Variants in TYR observed in about 807,000 individuals in gnomAD.
TYR encodes LB24-AB.
A neutral mutation model predicts 51.5 loss-of-function variants in TYR; 58 were observed. The observed-to-expected ratio is 1.13, with a 90% confidence interval of 0.91 to 1.40. The LOEUF (loss-of-function observed/expected upper bound fraction) is 1.40. Among genes scored for constraint, TYR ranks in the 40% most tolerant of loss-of-function variants. TYR has a pLI of 0.00. For missense variants in TYR, 732 were observed against 647.4 expected (o/e 1.13, Z -1.42); for synonymous variants, 263 against 235.2 (o/e 1.12, Z -1.08).
At chr11:89,258,411 T>C (rs987242598) in intron 3 of TYR, among the ~76,000 whole-genome samples, 1 of 150,874 alleles carries the variant, frequency 6.6e-6, no homozygotes, top group African/African-American at 2.4e-5. Context: ...AATCTCTTAT[T>C]ACCTATATGG....
intron 3 of TYR, among the ~76,000 whole-genome samples, chr11:89,266,301 A>G (rs186482499): frequency 0.031 from 4,656 of 152,078 alleles, 246 homozygotes; most frequent in African/African-American, 0.1. Flanking sequence ...TTAGTCATGC[A>G]TAGAATATTT....
Position 89,284,880 on chromosome 11 carries a change from C to T in TYR, c.1292C>T (p.Pro431Leu), listed in dbSNP as rs281865325. Residue 431 changes from proline to leucine, a missense_variant, in exon 4 of 5, where the codon CCA becomes CTA. By Grantham distance (98) the Pro-to-Leu change is moderately conservative. Coordinates refer to ENST00000263321, the MANE Select transcript of TYR (RefSeq NM_000372.5). Reference protein sequence around the residue: ...NRESYMVPFIPLYRNGDFFIS... With the variant: ...NRESYMVPFILLYRNGDFFIS... ...GAATCCTACATGGTTCCTTTTATACCACTGTACAGAAATGGTGATTTCTTT... is the reference window on the plus strand; with the variant it reads ...GAATCCTACATGGTTCCTTTTATACTACTGTACAGAAATGGTGATTTCTTT... 1.9e-6 allele frequency: 3 copies of T among 1,611,782 alleles called. No homozygotes were observed. In the East Asian group the frequency reaches 6.7e-5, roughly 36 times the overall value.
chr11:89,180,613 C>A (rs986300079), intron 1 of TYR, among the ~76,000 whole-genome samples: 1 of 150,370 alleles, frequency 6.7e-6, no homozygotes, highest in East Asian at 1.9e-4. Flanking sequence ...CAATTATCAA[C>A]TTCAACCTTG....
chr11:89,225,638 G>A (rs1268506348), intron 2 of TYR, among the ~76,000 whole-genome samples: 1 of 151,846 alleles, frequency 6.6e-6, no homozygotes, highest in Non-Finnish European at 1.5e-5. Flanking sequence ...TTTTGATATG[G>A]ATGATGGAAT....
At chr11:89,193,769 T>G (rs557483144) in intron 2 of TYR, among the ~76,000 whole-genome samples, 42 of 152,248 alleles carry the variant, frequency 2.8e-4, no homozygotes, top group African/African-American at 9.6e-4. Context: ...TAAATTTGTA[T>G]TCAGCAATAA....
intron 2 of TYR, among the ~76,000 whole-genome samples, chr11:89,215,834 T>G (rs1240377904): frequency 6.6e-6 from 1 of 152,138 alleles, no homozygotes; most frequent in Non-Finnish European, 1.5e-5. Flanking sequence ...CCTCCATAAG[T>G]CATTTAACTT....
intron 3 of TYR, among the ~76,000 whole-genome samples, chr11:89,244,076 T>C (rs181454679): frequency 6.6e-6 from 1 of 152,280 alleles, no homozygotes; most frequent in East Asian, 1.9e-4. Context: ...GCAACAGATA[T>C]GTACATTTTT....
At chr11:89,294,781 T>C (rs1015135274) in intron 4 of TYR, among the ~76,000 whole-genome samples, 1 of 152,240 alleles carries the variant, frequency 6.6e-6, no homozygotes, top group African/African-American at 2.4e-5. Context: ...TGGTTAATGA[T>C]ATAACGGTGT....
chr11:89,223,856 A>G (rs1472207853), intron 2 of TYR, among the ~76,000 whole-genome samples: 7 of 151,612 alleles, frequency 4.6e-5, no homozygotes, highest in Admixed American at 3.9e-4. Flanking sequence ...CATTATTTCT[A>G]AGCACATATC....
chr11:89,292,216 C>T (rs1430062996), intron 4 of TYR, among the ~76,000 whole-genome samples: 1 of 152,024 alleles, frequency 6.6e-6, no homozygotes, highest in East Asian at 1.9e-4. Context: ...GACATTCCTT[C>T]ACCATATCTT....
rs781033348 is a variant in TYR, at chr11:89,232,817, T to C, written c.1184+4847T>C. Among the ~76,000 whole-genome samples, 17 of 143,822 alleles carry C rather than the reference T, an allele frequency of 1.2e-4. 2 individuals carry two copies. The highest frequency in any genetic ancestry group is 2.1e-4 in the Non-Finnish European group (14 of 66,796). The allele number at this position is 143,822 out of a possible 152,430, so 94.4% of individuals were successfully genotyped here. A position where few individuals can be genotyped will look rare whatever the true frequency, so the allele number is the denominator to read the frequency against. On this transcript the variant is annotated intron_variant, in intron 3 of 4. Coordinates refer to ENST00000263321, the MANE Select transcript of TYR (RefSeq NM_000372.5). ...CAATTTATATACCTTAATTTAAAAA[T>C]ACTTTACTGCTAGAAAATGCTAACA... is the stretch of plus-strand genomic sequence containing the variant.
intron 3 of TYR, among the ~76,000 whole-genome samples, chr11:89,265,979 G>A (rs1355679790): frequency 6.6e-6 from 1 of 151,964 alleles, no homozygotes; most frequent in African/African-American, 2.4e-5. Context: ...TACATGGGAG[G>A]ATATCTAACT....
intron 3 of TYR, among the ~76,000 whole-genome samples, chr11:89,249,471 CAAAAAA>C (rs35342940): frequency 1.4e-5 from 1 of 69,776 alleles, no homozygotes; most frequent in African/African-American, 5.7e-5. Context: ...GCCATGTAGC[CAAAAAA>C]AAAAAAAAAA....
At chr11:89,215,300 A>G (rs1943817121) in intron 2 of TYR, among the ~76,000 whole-genome samples, 2 of 134,784 alleles carry the variant, frequency 1.5e-5, no homozygotes, top group Admixed American at 1.7e-4. Flanking sequence ...CAATCACCGT[A>G]TGTTCTCACT....
At chr11:89,264,028 T>C (rs1213121144) in intron 3 of TYR, among the ~76,000 whole-genome samples, 7 of 152,074 alleles carry the variant, frequency 4.6e-5, no homozygotes, top group Admixed American at 6.6e-5. Flanking sequence ...GTAGATTTTC[T>C]TGAATAAATG....
At chr11:89,230,965 G>A (rs1944038941) in intron 3 of TYR, among the ~76,000 whole-genome samples, 1 of 151,314 alleles carries the variant, frequency 6.6e-6, no homozygotes. Context: ...GAGGTCAGGA[G>A]TTTGACACCA....
chr11:89,195,954 G>A (rs1943514144), intron 2 of TYR, among the ~76,000 whole-genome samples: 1 of 151,926 alleles, frequency 6.6e-6, no homozygotes, highest in Admixed American at 6.6e-5. Context: ...AAATTTCAAT[G>A]AATTGGTTAA....
chr11:89,189,533 A>T (rs1009765803), intron 1 of TYR, among the ~76,000 whole-genome samples: 1 of 151,958 alleles, frequency 6.6e-6, no homozygotes, highest in African/African-American at 2.4e-5. Flanking sequence ...TTCTGAATAT[A>T]ATATAGATTA....
At chr11:89,204,616 C>G (rs1181807761) in intron 2 of TYR, among the ~76,000 whole-genome samples, 1 of 151,784 alleles carries the variant, frequency 6.6e-6, no homozygotes, top group Non-Finnish European at 1.5e-5. Context: ...CTGGCTAGCT[C>G]CCAACTCCTA....
Sources: gnomAD v4.1 joint callset for allele counts (sites outside exome capture counted in the v4.1 genomes callset) on GRCh38, gnomAD v4.1.1 for gene constraint, MANE v1.5 for transcripts, NCBI Gene and HGNC (gene_info 2026-07-23, HGNC 2026-07-21) for gene names.